GRIK2: variants seen among roughly 807,000 people sequenced by gnomAD.
GRIK2 encodes glutamate receptor ionotropic, kainate 2.
Under a neutral mutation model 100.3 loss-of-function variants are expected in GRIK2, and 32 were observed. That is an observed-to-expected ratio of 0.32 (90% CI 0.24 to 0.43). GRIK2 has a LOEUF of 0.43. GRIK2 is among the 20% of genes least tolerant of loss of function. GRIK2 has a pLI of 1.00. For missense variants in GRIK2, 843 were observed against 1,114.9 expected, an observed-to-expected ratio of 0.76 and a Z score of 3.47; for synonymous variants, 417 against 389.4, an observed-to-expected ratio of 1.07 and a Z score of -0.83.
intron 2 of GRIK2, among the ~76,000 whole-genome samples, chr6:101,612,067 T>C (rs986968968): frequency 1.9e-4 from 29 of 151,924 alleles, no homozygotes; most frequent in African/African-American, 6.3e-4. Context: ...CAATACAGAA[T>C]GGCAATTAAA....
intron 14 of GRIK2, among the ~76,000 whole-genome samples, chr6:101,987,534 A>G (rs1794083273): frequency 6.6e-6 from 1 of 151,450 alleles, no homozygotes; most frequent in Admixed American, 6.6e-5. Flanking sequence ...TATTTAATTT[A>G]AACATATAGG....
At position 101,592,588 on chromosome 6, in the gene GRIK2, C is replaced by CATATATATATATATAT. The variant is rs3056161; in HGVS notation, c.116-29340_116-29325dup. On this transcript the variant is annotated intron_variant, in intron 2 of 16. Transcript: ENST00000369134. Reference sequence around the variant, plus strand: ...TCATGGGATAGAATTACTAATATCACATATATATATATATATATATATATA... The same window carrying CATATATATATATATAT: ...TCATGGGATAGAATTACTAATATCACATATATATATATATATATATATATATATATATATATATATA... Among the ~76,000 whole-genome samples the CATATATATATATATAT allele has an allele frequency of 6.7e-3, 681 of 101,740 alleles. 11 individuals carry two copies. Among genetic ancestry groups the CATATATATATATATAT allele is most frequent in the African/African-American group, 9.6e-3 (246 of 25,748 alleles). 66.7% of individuals were successfully genotyped at this position (101,740 alleles called of 152,430 possible).
At chr6:101,410,644 A>G in intron 2 of GRIK2, among the ~76,000 whole-genome samples, 1 of 152,146 alleles carries the variant, frequency 6.6e-6, no homozygotes, top group Non-Finnish European at 1.5e-5. Flanking sequence ...CCATTTGAAA[A>G]GGTGTATTGA....
Position 101,971,188 on chromosome 6 carries a change from CTTTT to C in GRIK2, c.2085+42559_2085+42562del, listed in dbSNP as rs980419930. Reference sequence around the variant, plus strand: ...AGATATATTCACATCTGTAAACATTCTTTTTTATTTCAAATATATTTTGTTAGCT... The same window carrying C: ...AGATATATTCACATCTGTAAACATTCTTATTTCAAATATATTTTGTTAGCT... On this transcript the variant is annotated intron_variant, in intron 14 of 16. Transcript: ENST00000369134. 2.8e-4 allele frequency among the ~76,000 whole-genome samples: 40 copies of C among 144,360 alleles called. 2 individuals are homozygous for C. The highest frequency in any genetic ancestry group is 1.1e-3 in the African/African-American group (39 of 34,244). The allele number at this position is 144,360 out of a possible 152,430, so 94.7% of individuals were successfully genotyped here. A position where few individuals can be genotyped will look rare whatever the true frequency, so the allele number is the denominator to read the frequency against.
At chr6:101,899,193 A>T (rs1398666932) in intron 12 of GRIK2, among the ~76,000 whole-genome samples, 1 of 150,360 alleles carries the variant, frequency 6.7e-6, no homozygotes. Context: ...TGGTTGATCT[A>T]TTTCGTATAT....
intron 7 of GRIK2, among the ~76,000 whole-genome samples, chr6:101,757,129 T>C (rs1317010334): frequency 2.0e-5 from 3 of 152,124 alleles, no homozygotes; most frequent in African/African-American, 7.2e-5. Flanking sequence ...TGCCCTCTCA[T>C]TGATATTATA....
intron 2 of GRIK2, among the ~76,000 whole-genome samples, chr6:101,574,685 T>C (rs1777718276): frequency 2.0e-5 from 3 of 151,768 alleles, no homozygotes; most frequent in Admixed American, 2.0e-4. Flanking sequence ...AATGCTACTC[T>C]AAGTATTATA....
intron 9 of GRIK2, among the ~76,000 whole-genome samples, chr6:101,806,794 G>GAAGTAATTACTT (rs1357030701): frequency 6.6e-6 from 1 of 151,462 alleles, no homozygotes; most frequent in African/African-American, 2.4e-5. Context: ...CCTTAGATAG[G>GAAGTAATTACTT]CCTCCTCTAA....
intron 14 of GRIK2, among the ~76,000 whole-genome samples, chr6:101,976,364 C>G (rs1002137547): frequency 6.6e-6 from 1 of 151,640 alleles, no homozygotes; most frequent in Admixed American, 6.6e-5. Flanking sequence ...GATAACAAAG[C>G]TGAGGAATTT....
chr6:101,480,748 G>T (rs1043382010), intron 2 of GRIK2, among the ~76,000 whole-genome samples: 1 of 152,088 alleles, frequency 6.6e-6, no homozygotes, highest in Non-Finnish European at 1.5e-5. Context: ...TGGGATAAAT[G>T]CAAAGTGCCT....
intron 2 of GRIK2, among the ~76,000 whole-genome samples, chr6:101,562,289 G>A (rs1777057699): frequency 6.6e-6 from 1 of 152,032 alleles, no homozygotes; most frequent in African/African-American, 2.4e-5. Context: ...TCTCCAGGAT[G>A]ACAGATGACA....
At chr6:101,924,506 A>C in intron 12 of GRIK2, 95 bp from the exon 13 acceptor site, 1 of 714,210 alleles carries the variant, frequency 1.4e-6, no homozygotes, top group Non-Finnish European at 2.5e-6. Flanking sequence ...ACTTAAACTT[A>C]TCTGTCTTTT....
At chr6:101,757,122 C>T (rs1055082842) in intron 7 of GRIK2, among the ~76,000 whole-genome samples, 3 of 151,926 alleles carry the variant, frequency 2.0e-5, no homozygotes, top group Non-Finnish European at 4.4e-5. Context: ...AAATATATGC[C>T]CTCTCATTGA....
chr6:101,946,622 T>A (rs1412308045), intron 14 of GRIK2, among the ~76,000 whole-genome samples: 1 of 152,118 alleles, frequency 6.6e-6, no homozygotes, highest in African/African-American at 2.4e-5. Context: ...ATTAAAGGAA[T>A]ATGACAGTGT....
chr6:101,740,687 G>T (rs1775966779), intron 7 of GRIK2, among the ~76,000 whole-genome samples: 1 of 152,140 alleles, frequency 6.6e-6, no homozygotes, highest in Non-Finnish European at 1.5e-5. Flanking sequence ...CAAGAAGCTT[G>T]GCTCCAGCCA....
chr6:101,860,858 T>C (rs958993021), intron 11 of GRIK2: 22 of 507,058 alleles, frequency 4.3e-5, no homozygotes, highest in Non-Finnish European at 5.6e-5. Context: ...TCAGTTGTTT[T>C]AGGGGCTTTG....
chr6:101,504,849 A>T (rs77301580), intron 2 of GRIK2, among the ~76,000 whole-genome samples: 2,118 of 152,202 alleles, frequency 0.014, 47 homozygotes, highest in African/African-American at 0.048. Context: ...ACCATCAGAA[A>T]TATGTATGAA....
intron 2 of GRIK2, among the ~76,000 whole-genome samples, chr6:101,439,325 G>A (rs1288288494): frequency 6.6e-6 from 1 of 152,102 alleles, no homozygotes; most frequent in Non-Finnish European, 1.5e-5. Context: ...TGCATAAAGA[G>A]CATCTTGAGG....
intron 2 of GRIK2, among the ~76,000 whole-genome samples, chr6:101,532,482 A>C (rs555336835): frequency 1.3e-5 from 2 of 151,766 alleles, no homozygotes; most frequent in South Asian, 4.1e-4. Context: ...TGCAGATAGC[A>C]AACATATAAT....
Sources: gnomAD v4.1 joint callset for allele counts (sites outside exome capture counted in the v4.1 genomes callset) on GRCh38, gnomAD v4.1.1 for gene constraint, MANE v1.5 for transcripts, NCBI Gene and HGNC (gene_info 2026-07-23, HGNC 2026-07-21) for gene names.